The following SLC1A2 variants were observed in gnomAD, a reference collection of about 807,000 sequenced individuals.
The protein encoded by SLC1A2 is solute carrier family 1 member 2.
SLC1A2 carries 15 observed loss-of-function variants against 48.8 expected under a neutral mutation model. The observed-to-expected ratio is 0.31, with a 90% CI of 0.21 to 0.47. The LOEUF (loss-of-function observed/expected upper bound fraction) is 0.47. SLC1A2 is among the 20% of genes least tolerant of loss of function. SLC1A2 has a pLI of 0.99. For synonymous variants in SLC1A2, 279 were observed against 272.6 expected, an observed-to-expected ratio of 1.02 and a Z score of -0.23; for missense variants, 502 against 730.5, an observed-to-expected ratio of 0.69 and a Z score of 3.61.
At chr11:35,353,758 T>G (rs1853351784) in intron 1 of SLC1A2, among the ~76,000 whole-genome samples, 1 of 152,228 alleles carries the variant, frequency 6.6e-6, no homozygotes, top group South Asian at 2.1e-4. Context: ...TGATATTTAA[T>G]TAATTGCATG....
At chr11:35,392,216 C>T (rs1269377789) in intron 1 of SLC1A2, 1 of 152,136 alleles carries the variant, frequency 6.6e-6, no homozygotes, top group East Asian at 1.9e-4. Flanking sequence ...AAATGCATTG[C>T]TTGCGTAAGT....
At chr11:35,349,694 A>G (rs1853171029) in intron 1 of SLC1A2, among the ~76,000 whole-genome samples, 1 of 152,236 alleles carries the variant, frequency 6.6e-6, no homozygotes, top group African/African-American at 2.4e-5. Context: ...TACTTCTCAC[A>G]GGACATCTGC....
chr11:35,380,568 T>C, intron 1 of SLC1A2: 1 of 396,526 alleles, frequency 2.5e-6, no homozygotes, highest in Admixed American at 4.4e-5. Context: ...CAAACACTTT[T>C]GCTGTTTGTC....
At chr11:35,264,985 G>C (rs190722624) in intron 10 of SLC1A2, 1 of 129,390 alleles carries the variant, frequency 7.7e-6, no homozygotes, top group Non-Finnish European at 1.6e-5. Context: ...GTCTTGTTCT[G>C]TCGCCCAGGC....
rs1282164336 is a variant in SLC1A2 at position 35,419,012 on chromosome 11, G to C, written c.-46C>G. 3.3e-6 allele frequency: 5 copies of C among 1,535,954 alleles called. No homozygotes were observed. Among genetic ancestry groups the C allele is most frequent in the Non-Finnish European group, 4.4e-6 (5 of 1,136,454 alleles). On this transcript the variant is annotated 5_prime_UTR_variant, in exon 1 of 11. Coordinates refer to ENST00000278379, the MANE Select transcript of SLC1A2 (RefSeq NM_004171.4). The surrounding 1 kb of genome is among the most constrained non-coding windows in gnomAD (Gnocchi z 5.4). ...CTCTTCAGCACTATCCGGCAGCTGT[G>C]GGCGAGGGAGAAAGCGGACGCCGGG...
intron 1 of SLC1A2, among the ~76,000 whole-genome samples, chr11:35,372,668 T>A (rs1299429355): frequency 6.6e-6 from 1 of 152,172 alleles, no homozygotes; most frequent in Non-Finnish European, 1.5e-5. Context: ...TCAAGGTAAT[T>A]ACAGTAGGTT....
chr11:35,389,883 A>C (rs1167313052), intron 1 of SLC1A2, among the ~76,000 whole-genome samples: 1 of 152,158 alleles, frequency 6.6e-6, no homozygotes, highest in Non-Finnish European at 1.5e-5. Context: ...AGAGTGTTGG[A>C]TTACAAGCAT....
At chr11:35,406,862 C>T (rs1923288) in intron 1 of SLC1A2, among the ~76,000 whole-genome samples, 11,857 of 152,014 alleles carry the variant, frequency 0.078, 1,082 homozygotes, top group African/African-American at 0.22. Context: ...AGAAAAAAGG[C>T]CTGAAATAGA....
intron 9 of SLC1A2, among the ~76,000 whole-genome samples, chr11:35,275,864 C>G (rs573799700): frequency 6.5e-4 from 99 of 152,216 alleles, no homozygotes; most frequent in African/African-American, 2.3e-3. Flanking sequence ...CTCATCTTAG[C>G]CCCCACCACC....
At chr11:35,369,279 C>T (rs1853974522) in intron 1 of SLC1A2, among the ~76,000 whole-genome samples, 1 of 152,168 alleles carries the variant, frequency 6.6e-6, no homozygotes, top group African/African-American at 2.4e-5. Context: ...TGTCATGTAA[C>T]TCGAGGTGAG....
At chr11:35,344,982 G>C (rs545192860) in intron 1 of SLC1A2, among the ~76,000 whole-genome samples, 1 of 152,134 alleles carries the variant, frequency 6.6e-6, no homozygotes, top group Non-Finnish European at 1.5e-5. Flanking sequence ...AGGCTTAGCA[G>C]CTCTGATTCA....
chr11:35,307,705 T>C (rs1460402731), intron 4 of SLC1A2, among the ~76,000 whole-genome samples: 1 of 152,184 alleles, frequency 6.6e-6, no homozygotes, highest in Admixed American at 6.5e-5. Context: ...TCACCTCCAT[T>C]GAGTTATTTC....
intron 7 of SLC1A2, among the ~76,000 whole-genome samples, chr11:35,290,424 C>T (rs116492371): frequency 0.025 from 3,870 of 151,846 alleles, 166 homozygotes; most frequent in African/African-American, 0.088. Flanking sequence ...GATACGTTGA[C>T]CAGTAAAAAA....
At chr11:35,353,557 A>C (rs1853343734) in intron 1 of SLC1A2, among the ~76,000 whole-genome samples, 1 of 152,168 alleles carries the variant, frequency 6.6e-6, no homozygotes. Context: ...GTTTCCAATA[A>C]ATTTTAGCTA....
chr11:35,298,347 AATT>A (rs1246548604), intron 6 of SLC1A2: 1 of 152,150 alleles, frequency 6.6e-6, no homozygotes, highest in African/African-American at 2.4e-5. Flanking sequence ...TAATAAAAAG[AATT>A]ATTATAATCT....
At chr11:35,376,563 A>G (rs1329318948) in intron 1 of SLC1A2, among the ~76,000 whole-genome samples, 4 of 152,218 alleles carry the variant, frequency 2.6e-5, no homozygotes, top group African/African-American at 9.7e-5. Flanking sequence ...AATGTAAATG[A>G]AAAAAGGATC....
At chr11:35,307,683 A>G (rs570177485) in intron 4 of SLC1A2, among the ~76,000 whole-genome samples, 4 of 152,330 alleles carry the variant, frequency 2.6e-5, no homozygotes, top group Admixed American at 2.6e-4. Flanking sequence ...TGGGATGTCA[A>G]CTCAGATGAC....
intron 1 of SLC1A2, chr11:35,404,380 G>C (rs571790753): frequency 6.6e-6 from 1 of 152,452 alleles, no homozygotes; most frequent in South Asian, 2.1e-4. Flanking sequence ...GGGAAGCCAA[G>C]AGGACAAAGA....
chr11:35,282,167 C>T (rs374417578), intron 8 of SLC1A2, among the ~76,000 whole-genome samples: 100 of 152,050 alleles, frequency 6.6e-4, no homozygotes, highest in Non-Finnish European at 1.1e-3. Context: ...AGACACTTGC[C>T]CTGGGTGTGA....
Sources: allele counts gnomAD v4.1 joint callset (sites outside exome capture counted in the v4.1 genomes callset), GRCh38; gene constraint gnomAD v4.1.1; non-coding constraint Gnocchi (gnomAD v3.1); transcripts MANE v1.5; gene names NCBI Gene and HGNC (gene_info 2026-07-23, HGNC 2026-07-21).